Variants in MTOR observed in about 807,000 individuals in gnomAD.
The protein encoded by MTOR is serine/threonine-protein kinase mTOR.
A neutral mutation model predicts 319.8 loss-of-function variants in MTOR; 70 were observed. The ratio of observed to expected loss-of-function variants is 0.22; its 90% CI spans 0.18 to 0.27. The LOEUF (loss-of-function observed/expected upper bound fraction) is 0.27, where lower values mean the gene tolerates loss of function less well. MTOR is among the 10% of genes least tolerant of loss of function. The pLI is 1.00. For synonymous variants in MTOR, 1,183 were observed against 1,211.4 expected (o/e 0.98, Z 0.49); for missense variants, 1,890 against 3,274.4 (o/e 0.58, Z 10.32).
At chr1:11,235,069 G>A (rs576129298) in intron 13 of MTOR, among the ~76,000 whole-genome samples, 132 of 152,094 alleles carry the variant, frequency 8.7e-4, no homozygotes, top group Non-Finnish European at 1.7e-3. Flanking sequence ...CGATTTTTCT[G>A]GATTCCCCTG....
chr1:11,189,600 A>G, intron 28 of MTOR: 1 of 1,610,472 alleles, frequency 6.2e-7, no homozygotes, highest in South Asian at 1.1e-5. Context: ...AGCCTCTCTC[A>G]GCTGTGACCT....
Position 11,241,699 on chromosome 1 carries a change from G to A in MTOR, c.1413-18C>T, listed in dbSNP as rs377023984. ...TCTGCCTCCTGTAGAGAAATGGAGA[G>A]TGGCTAGTTGAGACATAATGACATT... On this transcript the variant is annotated intron_variant, in intron 9 of 57. Coordinates refer to ENST00000361445, the MANE Select transcript of MTOR (RefSeq NM_004958.4). The A allele has an allele frequency of 1.5e-5, 24 of 1,602,242 alleles. No homozygotes were observed. Among genetic ancestry groups the A allele is most frequent in the Non-Finnish European group, 2.0e-5 (24 of 1,172,006 alleles).
chr1:11,196,847 T>A (rs1232300451), intron 28 of MTOR, among the ~76,000 whole-genome samples: 3 of 140,114 alleles, frequency 2.1e-5, no homozygotes, highest in Non-Finnish European at 4.5e-5. Context: ...CGCGACTCCA[T>A]CTAAAAAAAA....
intron 47 of MTOR, 66 bp downstream of exon 47, chr1:11,124,432 C>G (rs868080): frequency 2.5e-6 from 4 of 1,568,634 alleles, no homozygotes; most frequent in Admixed American, 3.5e-5. Context: ...CATGACTACA[C>G]GAGACAAATG....
chr1:11,110,534 T>A (rs1208929069), intron 54 of MTOR, among the ~76,000 whole-genome samples: 1 of 152,038 alleles, frequency 6.6e-6, no homozygotes, highest in African/African-American at 2.4e-5. Flanking sequence ...GTAGCTGGGA[T>A]TACAGGCATG....
At chr1:11,236,803 G>A (rs1265658661) in intron 13 of MTOR, among the ~76,000 whole-genome samples, 2 of 152,044 alleles carry the variant, frequency 1.3e-5, no homozygotes, top group Non-Finnish European at 1.5e-5. Context: ...GAGCCACCAC[G>A]CCCGGCCTTC....
At chr1:11,239,563 T>C (rs1436802258) in intron 11 of MTOR, among the ~76,000 whole-genome samples, 5 of 149,588 alleles carry the variant, frequency 3.3e-5, no homozygotes, top group East Asian at 1.9e-4. Context: ...TGGGGTATTA[T>C]TATGGGTTTA....
chr1:11,244,065 G>A (rs1648466190), intron 8 of MTOR, among the ~76,000 whole-genome samples: 1 of 151,848 alleles, frequency 6.6e-6, no homozygotes, highest in Admixed American at 6.6e-5. Context: ...CACCAAGGCA[G>A]GAGGATCACC....
chr1:11,258,287 C>G (rs1047482813), intron 3 of MTOR, among the ~76,000 whole-genome samples, 198 bp downstream of exon 3: 1 of 152,172 alleles, frequency 6.6e-6, no homozygotes, highest in African/African-American at 2.4e-5. Flanking sequence ...AAAAGTCACT[C>G]GATGGTTCCG....
rs768522479 is a variant in MTOR, at chr1:11,139,298, A to G, written c.5130+6T>C. 3 of 1,601,642 alleles carry G rather than the reference A, an allele frequency of 1.9e-6. No homozygotes were observed. Among genetic ancestry groups the G allele is most frequent in the Non-Finnish European group, 2.5e-6 (3 of 1,176,908 alleles). ...TGGTCTGTTCTGGATGCATTGGGAT[A>G]CAGACCTTGCGGGCACTCTTCCACA... is the stretch of plus-strand genomic sequence containing the variant. On this transcript the variant is annotated splice_donor_region_variant and intron_variant, in intron 36 of 57. Coordinates refer to ENST00000361445, the MANE Select transcript of MTOR (RefSeq NM_004958.4).
At chr1:11,258,726 C>T in intron 2 of MTOR, 133 bp from the exon 3 acceptor site, 1 of 625,540 alleles carries the variant, frequency 1.6e-6, no homozygotes, top group Non-Finnish European at 2.8e-6. Context: ...AAGTTACTGC[C>T]CATTTCTATA....
At position 11,212,130 on chromosome 1, in the gene MTOR, CG is replaced by C. The variant is rs1260664578; in HGVS notation, c.3561+181del. On this transcript the variant is annotated intron_variant, in intron 23 of 57. Transcript: ENST00000361445. This position sits in a 1 kb window ranked among gnomAD's most constrained non-coding sequence, Gnocchi z 4.1. ...TCTGTTTACCGTGTTACCCCCAGAA[CG>C]GCACTTAGCTCACATAGGTTGCTCA... Among the ~76,000 whole-genome samples, 20 of 152,224 alleles carry C rather than the reference CG, an allele frequency of 1.3e-4. No individual in the cohort carries two copies. The highest frequency in any genetic ancestry group is 4.8e-4 in the African/African-American group (20 of 41,544).
chr1:11,243,046 C>G, intron 9 of MTOR, 68 bp downstream of exon 9: 1 of 1,574,162 alleles, frequency 6.4e-7, no homozygotes, highest in Non-Finnish European at 8.7e-7. Flanking sequence ...CTCCGTGGAT[C>G]TGAAATAGAG....
intron 28 of MTOR, among the ~76,000 whole-genome samples, chr1:11,186,525 C>T (rs992334933): frequency 1.3e-5 from 2 of 152,164 alleles, no homozygotes; most frequent in African/African-American, 2.4e-5. Flanking sequence ...CTTTCAACAC[C>T]AGCAAAATGG....
chr1:11,128,578 T>C lies in MTOR; in HGVS notation c.5812-26A>G, dbSNP rs1325793365. On this transcript the variant is annotated intron_variant, in intron 41 of 57. Transcript: ENST00000361445. This position sits in a 1 kb window ranked among gnomAD's most constrained non-coding sequence, Gnocchi z 5.3. ...CTGGTATTCAAAAAGACACAGTATG[T>C]AGCATATGAGACTTGAAACAACTAG... 18 of 1,597,958 alleles carry C rather than the reference T, an allele frequency of 1.1e-5. No homozygotes were observed. Among genetic ancestry groups the C allele is most frequent in the Non-Finnish European group, 1.4e-5 (16 of 1,165,368 alleles).
chr1:11,130,481 G>C (rs747944143), intron 39 of MTOR, 48 bp downstream of exon 39: 55 of 1,585,474 alleles, frequency 3.5e-5, no homozygotes, highest in Non-Finnish European at 4.5e-5. Context: ...ATTTCTCAGA[G>C]AGCCTGGCAC....
chr1:11,253,269 C>G lies in MTOR; in HGVS notation c.840+570G>C, dbSNP rs781503209. Among the ~76,000 whole-genome samples the G allele has an allele frequency of 2.0e-5, 3 of 152,318 alleles. No homozygotes were observed. In the South Asian group the frequency reaches 6.2e-4, roughly 32 times the overall value. On this transcript the variant is annotated intron_variant, in intron 6 of 57. Coordinates refer to ENST00000361445, the MANE Select transcript of MTOR (RefSeq NM_004958.4). The stretch of plus-strand genomic sequence containing the variant: ...CCACCTTCTCAAGCCAACACATCTC[C>G]TAATTGGTCTCCCTGCTTTCATTCC...
Position 11,128,200 on chromosome 1 carries a change from A to T in MTOR, c.5911-74T>A, listed in dbSNP as rs762456547. The stretch of plus-strand genomic sequence containing the variant: ...AAGAGCTGGTATGAATTTTAAGGAG[A>T]ATAACAAAACAAGTGGTGAGTGTGA... On this transcript the variant is annotated intron_variant, in intron 42 of 57. Transcript: ENST00000361445. The surrounding 1 kb of genome is among the most constrained non-coding windows in gnomAD (Gnocchi z 5.3). 6.3e-7 allele frequency: 1 copy of T among 1,579,434 alleles called. No individual in the cohort carries two copies. The highest frequency in any genetic ancestry group is 8.6e-7 in the Non-Finnish European group (1 of 1,159,348).
chr1:11,203,914 C>T (rs963893453), intron 26 of MTOR, among the ~76,000 whole-genome samples: 5 of 152,196 alleles, frequency 3.3e-5, no homozygotes, highest in Non-Finnish European at 7.3e-5. Context: ...TGCTCTTCTA[C>T]TACCTCGTTC....
Sources: gnomAD v4.1 joint callset for allele counts (sites outside exome capture counted in the v4.1 genomes callset) on GRCh38, gnomAD v4.1.1 for gene constraint, Gnocchi (gnomAD v3.1) non-coding constraint, MANE v1.5 for transcripts, NCBI Gene and HGNC (gene_info 2026-07-23, HGNC 2026-07-21) for gene names.